Variants in COQ7 observed in about 807,000 individuals in gnomAD.
The protein encoded by COQ7 is NADPH-dependent 3-demethoxyubiquinone 3-hydroxylase, mitochondrial.
Under a neutral mutation model 25.0 loss-of-function variants are expected in COQ7, and 21 were observed. The observed-to-expected ratio is 0.84, with a 90% CI of 0.60 to 1.21. The LOEUF is 1.21. Among genes scored for constraint, COQ7 ranks in the 50% most tolerant of loss-of-function variants. The pLI, the probability that COQ7 is intolerant of heterozygous loss-of-function variation, is 0.00. For missense variants in COQ7, 311 were observed against 296.2 expected, an observed-to-expected ratio of 1.05 and a Z score of -0.37; for synonymous variants, 125 against 112.4, an observed-to-expected ratio of 1.11 and a Z score of -0.71.
Position 19,075,869 on chromosome 16 carries a change from C to G in COQ7, c.507+9C>G, listed in dbSNP as rs977395550. The G allele has an allele frequency of 6.2e-7, 1 of 1,614,008 alleles. No individual in the cohort carries two copies. The highest frequency in any genetic ancestry group is 1.3e-5 in the African/African-American group (1 of 74,934). Reference sequence around the variant, plus strand: ...ACGAGGAACTTCTTCAGGTATTTATCCGTGCTCTAGAACGGGGCTGCTCAA... The same window carrying G: ...ACGAGGAACTTCTTCAGGTATTTATGCGTGCTCTAGAACGGGGCTGCTCAA... On this transcript the variant is annotated intron_variant, in intron 4 of 5. Transcript: ENST00000321998.
chr16:19,072,296 A>C, intron 2 of COQ7, 190 bp downstream of exon 2: 1 of 630,782 alleles, frequency 1.6e-6, no homozygotes, highest in Non-Finnish European at 2.7e-6. Flanking sequence ...AAGCACAGAG[A>C]GACATCTAGT....
intron 4 of COQ7, among the ~76,000 whole-genome samples, chr16:19,076,620 A>G (rs1408663743): frequency 8.7e-5 from 9 of 102,864 alleles, no homozygotes; most frequent in Admixed American, 1.5e-4. Flanking sequence ...TTTGAGATGG[A>G]GTCTCACTCT....
Position 19,078,288 on chromosome 16 carries a change from GTTT to G in COQ7, c.*141_*143del. The G allele has an allele frequency of 9.7e-6, 5 of 515,456 alleles. No homozygotes were observed. The highest frequency in any genetic ancestry group is 4.1e-5 in the South Asian group (1 of 24,288). The allele number at this position is 515,456 out of a possible 1,614,324, so 31.9% of individuals were successfully genotyped here. ...ATTTTGTTAATAAATTATAAGGTTT[GTTT>G]TTTTTTTTTTAAACTCTGCAGTGTT... On this transcript the variant is annotated 3_prime_UTR_variant, in exon 6 of 6. Coordinates refer to ENST00000321998, the MANE Select transcript of COQ7 (RefSeq NM_016138.5).
At chr16:19,076,585 C>CTTTT (rs67725348) in intron 4 of COQ7, among the ~76,000 whole-genome samples, 1 of 80,524 alleles carries the variant, frequency 1.2e-5, no homozygotes, top group African/African-American at 5.1e-5. Flanking sequence ...GTGCTGTTCA[C>CTTTT]TTTTTTTTTT....
chr16:19,070,198 G>A (rs1962483760), intron 1 of COQ7, among the ~76,000 whole-genome samples: 1 of 152,176 alleles, frequency 6.6e-6, no homozygotes, highest in Admixed American at 6.6e-5. Context: ...TTTGTTAAAA[G>A]TGTGACATTT....
Position 19,077,432 on chromosome 16 carries a change from G to A in COQ7, c.576+58G>A, listed in dbSNP as rs905327430. ...GACTCCTTATTTGGGAGGCTGAAGGGGCAGGAGGTTTCTGTTGCCAGAAAA... is the reference window on the plus strand; with the variant it reads ...GACTCCTTATTTGGGAGGCTGAAGGAGCAGGAGGTTTCTGTTGCCAGAAAA... On this transcript the variant is annotated intron_variant, in intron 5 of 5. Transcript: ENST00000321998. The A allele has an allele frequency of 2.8e-6, 4 of 1,428,694 alleles. No homozygotes were observed. The African/African-American group carries it at 5.7e-5, about 20-fold the overall frequency. The allele number at this position is 1,428,694 out of a possible 1,614,324, so 88.5% of individuals were successfully genotyped here. A position where few individuals can be genotyped will look rare whatever the true frequency, so the allele number is the denominator to read the frequency against.
downstream of COQ7, among the ~76,000 whole-genome samples, chr16:19,081,047 A>G (rs1412895340): frequency 6.6e-6 from 1 of 152,228 alleles, no homozygotes; most frequent in Non-Finnish European, 1.5e-5. Context: ...AATGGGCTGA[A>G]CTAATAGAAG....
chr16:19,068,249 A>G, intron 1 of COQ7: 3 of 998,478 alleles, frequency 3.0e-6, no homozygotes, highest in Non-Finnish European at 3.6e-6. Context: ...CATGCACTGT[A>G]AACTGTGAAA....
intron 5 of COQ7, 111 bp from the exon 6 acceptor site, chr16:19,077,970 T>A: frequency 1.5e-6 from 1 of 683,784 alleles, no homozygotes; most frequent in Non-Finnish European, 2.3e-6. Context: ...AATTGTTCCT[T>A]AGATCTATTT....
intron 1 of COQ7, among the ~76,000 whole-genome samples, chr16:19,071,156 G>A (rs1175893158): frequency 8.6e-5 from 13 of 151,974 alleles, no homozygotes; most frequent in Admixed American, 7.9e-4. Flanking sequence ...TTTGTTTTTA[G>A]ACAGAGTCTC....
chr16:19,076,654 G>A (rs1181433809), intron 4 of COQ7, among the ~76,000 whole-genome samples: 1 of 142,282 alleles, frequency 7.0e-6, no homozygotes, highest in African/African-American at 2.7e-5. Context: ...GAGTGCAGTG[G>A]TCTCCGCCTG....
At chr16:19,069,266 C>T (rs1327890657) in intron 1 of COQ7, among the ~76,000 whole-genome samples, 1 of 152,176 alleles carries the variant, frequency 6.6e-6, no homozygotes. Flanking sequence ...CTGCTCTGTT[C>T]AGCCAGTGAG....
chr16:19,078,231 T>A lies in COQ7; in HGVS notation c.*73T>A. 8.7e-7 allele frequency: 1 copy of A among 1,151,800 alleles called. No individual in the cohort carries two copies. The highest frequency in any genetic ancestry group is 1.3e-6 in the Non-Finnish European group (1 of 790,458). 71.3% of individuals were successfully genotyped at this position (1,151,800 alleles called of 1,614,324 possible). A position where few individuals can be genotyped will look rare whatever the true frequency, so the allele number is the denominator to read the frequency against. ...AGTGACATTTGCAGAGAAACAGGTG[T>A]ACAGTTATCGTTGTACTTTTGTACA... On this transcript the variant is annotated 3_prime_UTR_variant, in exon 6 of 6. Coordinates refer to ENST00000321998, the MANE Select transcript of COQ7 (RefSeq NM_016138.5).
rs113153583 is a variant in COQ7 at position 19,077,979 on chromosome 16, T to G, written c.577-102T>G. The G allele has an allele frequency of 9.6e-5, 76 of 789,072 alleles. No homozygotes were observed. The African/African-American group carries it at 1.2e-3, about 12-fold the overall frequency. 48.9% of individuals were successfully genotyped at this position (789,072 alleles called of 1,614,324 possible). On this transcript the variant is annotated intron_variant, in intron 5 of 5. Transcript: ENST00000321998. Reference sequence around the variant, plus strand: ...AAAATAAATTGTTCCTTAGATCTATTTCTTATCCAGAGAAATCCAAAGCCT... The same window carrying G: ...AAAATAAATTGTTCCTTAGATCTATGTCTTATCCAGAGAAATCCAAAGCCT...
intron 1 of COQ7, chr16:19,068,363 G>A (rs1962352428): frequency 1.0e-5 from 10 of 989,914 alleles, no homozygotes; most frequent in Non-Finnish European, 1.2e-5. Context: ...TTAGAAAATT[G>A]TCATGAGCCC....
At chr16:19,072,867 C>T (rs565015155) in intron 2 of COQ7, among the ~76,000 whole-genome samples, 1 of 152,304 alleles carries the variant, frequency 6.6e-6, no homozygotes, top group South Asian at 2.1e-4. Context: ...TCCCTTTTTC[C>T]TCTGATGTAA....
intron 3 of COQ7, 124 bp from the exon 4 acceptor site, chr16:19,075,597 C>T: frequency 9.6e-7 from 1 of 1,039,640 alleles, no homozygotes; most frequent in Non-Finnish European, 1.4e-6. Context: ...TGGGACAGCC[C>T]CTGTCACAAA....
In COQ7 at chr16:19,075,858, C is replaced by G. The variant is rs150852870; in HGVS notation, c.505C>G (p.Gln169Glu). ...CCCTGAAAAATACGAGGAACTTCTT[C>G]AGGTATTTATCCGTGCTCTAGAACG... ...EDPEKYEELLQLIKKFRDEEL... is the reference protein window; with the variant it reads ...EDPEKYEELLELIKKFRDEEL... The change falls in exon 4 of 6, where the codon CAG becomes GAG. Residue 169 changes from glutamine to glutamate, a missense_variant and splice_region_variant. Coordinates refer to ENST00000321998, the MANE Select transcript of COQ7 (RefSeq NM_016138.5). The G allele has an allele frequency of 2.5e-6, 4 of 1,614,202 alleles. No homozygotes were observed. Among genetic ancestry groups the G allele is most frequent in the Non-Finnish European group, 1.7e-6 (2 of 1,180,038 alleles).
chr16:19,075,937 T>C lies in COQ7; in HGVS notation c.507+77T>C, dbSNP rs750004517. The C allele has an allele frequency of 1.9e-6, 3 of 1,578,216 alleles. No homozygotes were observed. In the Admixed American group the frequency reaches 5.1e-5, roughly 27 times the overall value. ...AGCAATTGGGTAAGAGGAAAACATGTTAGAGATTGTTAGGGGATGATGGGG... is the reference window on the plus strand; with the variant it reads ...AGCAATTGGGTAAGAGGAAAACATGCTAGAGATTGTTAGGGGATGATGGGG... On this transcript the variant is annotated intron_variant, in intron 4 of 5. Transcript: ENST00000321998.
Sources: gnomAD v4.1 joint callset for allele counts (sites outside exome capture counted in the v4.1 genomes callset) on GRCh38, gnomAD v4.1.1 for gene constraint, MANE v1.5 for transcripts, NCBI Gene and HGNC (gene_info 2026-07-23, HGNC 2026-07-21) for gene names.